NCOA2: variants seen among roughly 807,000 people sequenced by gnomAD.
NCOA2 encodes class E basic helix-loop-helix protein 75.
A neutral mutation model predicts 145.1 loss-of-function variants in NCOA2; 21 were observed. The ratio of observed to expected loss-of-function variants is 0.14; its 90% confidence interval spans 0.10 to 0.21. The LOEUF (loss-of-function observed/expected upper bound fraction) is 0.21. Ranked by LOEUF, NCOA2 falls within the 10% of genes least tolerant of loss-of-function variation. NCOA2 has a pLI of 1.00. For synonymous variants in NCOA2, 619 were observed against 637.5 expected, an observed-to-expected ratio of 0.97 and a Z score of 0.44; for missense variants, 1,472 against 1,837.6, an observed-to-expected ratio of 0.80 and a Z score of 3.64.
chr8:70,351,754 T>C (rs1809263105), intron 1 of NCOA2, among the ~76,000 whole-genome samples: 1 of 147,904 alleles, frequency 6.8e-6, no homozygotes, highest in Non-Finnish European at 1.5e-5. Flanking sequence ...CCGGCTAATT[T>C]TTTTTTTTTT....
chr8:70,417,681 A>G, the NCOA2 span, among the ~76,000 whole-genome samples: 1 of 152,208 alleles, frequency 6.6e-6, no homozygotes, highest in East Asian at 1.9e-4. Flanking sequence ...CAGGTGACTC[A>G]AAACTTCATT....
intron 2 of NCOA2, among the ~76,000 whole-genome samples, chr8:70,288,042 T>C (rs1563725811): frequency 6.6e-6 from 1 of 152,154 alleles, no homozygotes; most frequent in Non-Finnish European, 1.5e-5. Flanking sequence ...TAGGTGCAAA[T>C]CACTGGGCAA....
intron 1 of NCOA2, among the ~76,000 whole-genome samples, chr8:70,305,049 CTT>C (rs780225619): frequency 4.7e-5 from 6 of 128,344 alleles, no homozygotes; most frequent in Non-Finnish European, 5.0e-5. Flanking sequence ...TTTATTCATT[CTT>C]TTTTTTTTTT....
intron 1 of NCOA2, among the ~76,000 whole-genome samples, chr8:70,385,752 T>C (rs1586656363): frequency 1.3e-5 from 2 of 152,360 alleles, no homozygotes; most frequent in East Asian, 3.9e-4. Flanking sequence ...TGCAGGTACT[T>C]AACATATTCC....
upstream of NCOA2, among the ~76,000 whole-genome samples, chr8:70,407,980 C>A (rs551668481): frequency 6.6e-6 from 1 of 152,236 alleles, no homozygotes; most frequent in South Asian, 2.1e-4. Flanking sequence ...AATCCTTCAT[C>A]TTAGATTAAG....
chr8:70,218,921 A>AT (rs1819896518), intron 2 of NCOA2, among the ~76,000 whole-genome samples: 1 of 152,212 alleles, frequency 6.6e-6, no homozygotes, highest in South Asian at 2.1e-4. Flanking sequence ...GCAATGCCAC[A>AT]TATACTAAAA....
At chr8:70,293,332 G>C (rs1826849394) in intron 2 of NCOA2, among the ~76,000 whole-genome samples, 1 of 152,178 alleles carries the variant, frequency 6.6e-6, no homozygotes, top group South Asian at 2.1e-4. Flanking sequence ...GAACAAAGGA[G>C]GGATTAAAAA....
At chr8:70,140,742 G>A (rs1251437324) in intron 14 of NCOA2, among the ~76,000 whole-genome samples, 2 of 151,546 alleles carry the variant, frequency 1.3e-5, no homozygotes, top group Non-Finnish European at 2.9e-5. Context: ...GGTTACAGGT[G>A]CCCACCACCA....
intron 1 of NCOA2, among the ~76,000 whole-genome samples, chr8:70,330,233 T>C (rs1806973563): frequency 6.6e-6 from 1 of 151,764 alleles, no homozygotes; most frequent in Non-Finnish European, 1.5e-5. Context: ...ATGATGATGA[T>C]GATGATCTGG....
intron 5 of NCOA2, among the ~76,000 whole-genome samples, chr8:70,172,563 A>C (rs79803264): frequency 0.033 from 4,965 of 152,276 alleles, 272 homozygotes; most frequent in African/African-American, 0.11. Context: ...AACCACATGC[A>C]GGACAAAGCA....
intron 2 of NCOA2, among the ~76,000 whole-genome samples, chr8:70,231,246 AT>A (rs1563655668): frequency 6.6e-6 from 1 of 152,360 alleles, no homozygotes; most frequent in South Asian, 2.1e-4. Flanking sequence ...TGCTTTGCTA[AT>A]TTAAAGATTA....
intron 1 of NCOA2, among the ~76,000 whole-genome samples, chr8:70,351,963 C>T (rs765609613): frequency 4.7e-5 from 7 of 149,760 alleles, no homozygotes; most frequent in Non-Finnish European, 7.4e-5. Context: ...GCATATTATG[C>T]TAACTGGGCA....
At chr8:70,137,207 G>T (rs796511206) in intron 15 of NCOA2, among the ~76,000 whole-genome samples, 3 of 152,168 alleles carry the variant, frequency 2.0e-5, no homozygotes, top group African/African-American at 7.2e-5. Flanking sequence ...ACCCGGCTAA[G>T]TTTTTTTGTA....
the NCOA2 span, among the ~76,000 whole-genome samples, chr8:70,415,955 C>T: frequency 1.3e-5 from 2 of 152,090 alleles, no homozygotes; most frequent in Admixed American, 6.5e-5. Context: ...TGCAATCCTC[C>T]TAAAAAGCCA....
chr8:70,421,072 C>G, the NCOA2 span, among the ~76,000 whole-genome samples: 2 of 152,014 alleles, frequency 1.3e-5, no homozygotes, highest in African/African-American at 4.8e-5. Flanking sequence ...GTCAGAGATT[C>G]TAACAAATGC....
intron 4 of NCOA2, among the ~76,000 whole-genome samples, chr8:70,180,758 A>C (rs1308204257): frequency 6.6e-6 from 1 of 152,208 alleles, no homozygotes. Context: ...TGCAGTGGCT[A>C]TTCACAGGTG....
chr8:70,413,273 T>A, the NCOA2 span, among the ~76,000 whole-genome samples: 1 of 152,204 alleles, frequency 6.6e-6, no homozygotes, highest in Non-Finnish European at 1.5e-5. Context: ...GCATTCACCT[T>A]GCTGTGCAAC....
chr8:70,329,195 AC>A (rs1483345037), intron 1 of NCOA2, among the ~76,000 whole-genome samples: 1 of 152,060 alleles, frequency 6.6e-6, no homozygotes, highest in Non-Finnish European at 1.5e-5. Context: ...ATCACAGCTC[AC>A]CGTAGCCCCC....
At chr8:70,164,815 C>G (rs780109859) in intron 7 of NCOA2, among the ~76,000 whole-genome samples, 1 of 151,546 alleles carries the variant, frequency 6.6e-6, no homozygotes, top group Admixed American at 6.6e-5. Flanking sequence ...TTGGGCACTA[C>G]GAGATAAACA....
Sources: allele counts gnomAD v4.1 joint callset (sites outside exome capture counted in the v4.1 genomes callset), GRCh38; gene constraint gnomAD v4.1.1; transcripts MANE v1.5; gene names NCBI Gene and HGNC (gene_info 2026-07-23, HGNC 2026-07-21).